ZNF678: variants seen among roughly 807,000 people sequenced by gnomAD.
ZNF678 encodes the protein zinc finger protein 678.
ZNF678 carries 5 observed loss-of-function variants against 3.0 expected under a neutral mutation model. That is an observed-to-expected ratio of 1.69 (90% CI 0.88 to 3.56). The LOEUF (loss-of-function observed/expected upper bound fraction) is 3.56, where lower values mean the gene tolerates loss of function less well. ZNF678 is among the 30% of genes most tolerant of loss of function. The pLI is 0.00. For missense variants in ZNF678, 593 were observed against 605.0 expected (o/e 0.98, Z 0.21); for synonymous variants, 218 against 199.6 (o/e 1.09, Z -0.78).
At chr1:227,581,540 C>A (rs1657129545) in intron 1 of ZNF678, among the ~76,000 whole-genome samples, 1 of 152,166 alleles carries the variant, frequency 6.6e-6, no homozygotes, top group African/African-American at 2.4e-5. Context: ...AATGTGTACT[C>A]TTTATGATTG....
chr1:227,667,103 G>T (rs1659515729), downstream of ZNF678, among the ~76,000 whole-genome samples: 1 of 151,640 alleles, frequency 6.6e-6, no homozygotes. Flanking sequence ...GGGTGCAGTG[G>T]AGTGATTTTG....
rs146637924 is a variant in ZNF678 at position 227,583,391 on chromosome 1, G to A, written c.-164+19667G>A. On this transcript the variant is annotated intron_variant, in intron 1 of 3. Transcript: ENST00000343776. ...TTTTGAGACAGAGTCTTGCCTTGTC[G>A]CCCAGGCTGGAGTGCAGTGGCACAA... Among the ~76,000 whole-genome samples, 378 of 119,162 alleles carry A rather than the reference G, an allele frequency of 3.2e-3. 2 individuals are homozygous for A. The highest frequency in any genetic ancestry group is 0.012 in the African/African-American group (356 of 29,812). The allele number at this position is 119,162 out of a possible 152,430, so 78.2% of individuals were successfully genotyped here.
chr1:227,564,912 A>T lies in ZNF678; in HGVS notation c.-164+1188A>T, dbSNP rs1449453507. Among the ~76,000 whole-genome samples the T allele has an allele frequency of 2.0e-5, 3 of 151,454 alleles. No homozygotes were observed. The East Asian group carries it at 5.8e-4, about 30-fold the overall frequency. ...ACCCCCGGCTAATTTTTGTATTTTT[A>T]GTATTTTGTATTTTAGTTTCACCAT... On this transcript the variant is annotated intron_variant, in intron 1 of 3. Transcript: ENST00000343776.
rs1443507301 is a variant in ZNF678, at chr1:227,651,051, C to T, written c.60C>T (p.Thr20=). Residue 20 remains threonine, a synonymous_variant, in exon 3 of 4, where the codon ACC becomes ACT. Transcript: ENST00000343776. The part of the protein sequence containing the change: ...VCAFEGANTS[T]SFYKLVYTAI... Reference sequence around the variant, plus strand: ...CATTTGAAGGAGCAAACACCTCTACCAGTTTTTATAAACTGGTTTATACAG... The same window carrying T: ...CATTTGAAGGAGCAAACACCTCTACTAGTTTTTATAAACTGGTTTATACAG... 1.2e-6 allele frequency: 2 copies of T among 1,613,536 alleles called. No homozygotes were observed. Among genetic ancestry groups the T allele is most frequent in the Admixed American group, 3.3e-5 (2 of 59,982 alleles).
In ZNF678 at chr1:227,655,806, G is replaced by A. The variant is rs1659232733; in HGVS notation, c.1556G>A (p.Cys519Tyr). ...RIYTGEEPDK[C>Y]KKCGSL ...TATACTGGAGAGGAACCTGACAAAT[G>A]TAAAAAATGTGGCAGTCTTTAAAAA... The change falls in exon 4 of 4, where the codon TGT becomes TAT. Residue 519 changes from cysteine to tyrosine, a missense_variant. Physicochemically the swap from Cys to Tyr is radical, Grantham distance 194 (BLOSUM62 -2). Transcript: ENST00000343776. 1.3e-6 allele frequency: 2 copies of A among 1,571,072 alleles called. No individual in the cohort carries two copies. The highest frequency in any genetic ancestry group is 1.7e-6 in the Non-Finnish European group (2 of 1,163,168).
chr1:227,658,051 C>G lies in ZNF678; in HGVS notation c.*2223C>G, dbSNP rs1054250868. On this transcript the variant is annotated 3_prime_UTR_variant, in exon 4 of 4. Coordinates refer to ENST00000343776, the MANE Select transcript of ZNF678 (RefSeq NM_001367909.1). ...AACTTTCATAAAATGTATTGATGTT[C>G]ACAAGATAATTTTAAGATGTAATTC... 6.6e-6 allele frequency: 1 copy of G among 151,912 alleles called. No individual in the cohort carries two copies. The highest frequency in any genetic ancestry group is 6.6e-5 in the Admixed American group (1 of 15,234). 9.4% of individuals were successfully genotyped at this position (151,912 alleles called of 1,614,324 possible).
chr1:227,593,484 G>A (rs897955882), intron 1 of ZNF678, among the ~76,000 whole-genome samples: 3 of 152,104 alleles, frequency 2.0e-5, no homozygotes, highest in African/African-American at 7.2e-5. Context: ...CTACATTGGG[G>A]GGCAAGACTC....
intron 1 of ZNF678, among the ~76,000 whole-genome samples, chr1:227,615,640 C>G (rs770346908): frequency 2.0e-5 from 3 of 152,168 alleles, no homozygotes; most frequent in Admixed American, 1.3e-4. Flanking sequence ...ACCCAGTGTA[C>G]TTACAGGTTT....
At position 227,655,920 on chromosome 1, in the gene ZNF678, A is replaced by T; in HGVS notation, c.*92A>T. ...TGTTTAAGGATGTTTCACAAAATGT[A>T]AGCTTCAGAGTGCACAACACTATAC... On this transcript the variant is annotated 3_prime_UTR_variant, in exon 4 of 4. Transcript: ENST00000343776. The T allele has an allele frequency of 1.7e-6, 2 of 1,197,744 alleles. No homozygotes were observed. Among genetic ancestry groups the T allele is most frequent in the South Asian group, 1.6e-5 (1 of 62,866 alleles). The allele number at this position is 1,197,744 out of a possible 1,614,324, so 74.2% of individuals were successfully genotyped here.
At chr1:227,625,044 A>G (rs1484111874) in intron 1 of ZNF678, among the ~76,000 whole-genome samples, 3 of 152,238 alleles carry the variant, frequency 2.0e-5, no homozygotes, top group African/African-American at 4.8e-5. Context: ...GCCTGGGTTT[A>G]TATCCCAATC....
intron 1 of ZNF678, among the ~76,000 whole-genome samples, chr1:227,566,738 C>A (rs1249834423): frequency 6.6e-6 from 1 of 152,102 alleles, no homozygotes; most frequent in Non-Finnish European, 1.5e-5. Flanking sequence ...AAAATATTTA[C>A]AAAGGGTATG....
intron 5 of ZNF678, among the ~76,000 whole-genome samples, chr1:227,670,655 C>T (rs769459273): frequency 1.3e-5 from 2 of 152,136 alleles, no homozygotes; most frequent in Non-Finnish European, 2.9e-5. Context: ...AGAAAGGTCT[C>T]AAGTGGAAGC....
At chr1:227,650,388 C>G (rs1040078627) in intron 2 of ZNF678, among the ~76,000 whole-genome samples, 2 of 152,278 alleles carry the variant, frequency 1.3e-5, no homozygotes, top group Middle Eastern at 3.4e-3. Flanking sequence ...CCATCCTACT[C>G]TTATTACCAT....
chr1:227,610,324 C>A (rs1019731886), intron 1 of ZNF678, among the ~76,000 whole-genome samples: 1 of 152,100 alleles, frequency 6.6e-6, no homozygotes, highest in African/African-American at 2.4e-5. Flanking sequence ...TCGTGGTAGC[C>A]AGAAAACAAG....
At chr1:227,590,261 C>G (rs1657377377) in intron 1 of ZNF678, among the ~76,000 whole-genome samples, 1 of 151,808 alleles carries the variant, frequency 6.6e-6, no homozygotes, top group Admixed American at 6.6e-5. Context: ...GTATCTTCGA[C>G]TACTTGCCCC....
intron 1 of ZNF678, among the ~76,000 whole-genome samples, chr1:227,591,982 T>C (rs1445614048): frequency 6.6e-6 from 1 of 152,138 alleles, no homozygotes; most frequent in African/African-American, 2.4e-5. Flanking sequence ...GAGGAGGGCT[T>C]GTCTTCTTCA....
rs560203907 is a variant in ZNF678 at position 227,607,704 on chromosome 1, A to G, written c.-163-38840A>G. On this transcript the variant is annotated intron_variant, in intron 1 of 3. Transcript: ENST00000343776. ...TAATTTTAAATAGTTATATATTTAA[A>G]TATATTTATATTTTATAATATGTAT... Among the ~76,000 whole-genome samples the G allele has an allele frequency of 5.5e-5, 8 of 146,148 alleles. No individual in the cohort carries two copies. In the South Asian group the frequency reaches 1.7e-3, roughly 32 times the overall value.
At chr1:227,609,539 C>T (rs952634570) in intron 1 of ZNF678, among the ~76,000 whole-genome samples, 6 of 152,158 alleles carry the variant, frequency 3.9e-5, no homozygotes, top group African/African-American at 1.2e-4. Flanking sequence ...TTTTAAAATA[C>T]GTAGATACTT....
intron 1 of ZNF678, among the ~76,000 whole-genome samples, chr1:227,594,376 ATGGACTCTTTTT>A (rs749975117): frequency 9.9e-5 from 15 of 152,174 alleles, no homozygotes; most frequent in South Asian, 2.1e-4. Flanking sequence ...GTAAGATTTT[ATGGACTCTTTTT>A]AACCTTTCAT....
Sources: gnomAD v4.1 joint callset for allele counts (sites outside exome capture counted in the v4.1 genomes callset) on GRCh38, gnomAD v4.1.1 for gene constraint, MANE v1.5 for transcripts, NCBI Gene and HGNC (gene_info 2026-07-23, HGNC 2026-07-21) for gene names.